GPR119: variants seen among roughly 807,000 people sequenced by gnomAD.
GPR119 encodes G protein-coupled receptor 119.
In GPR119, 7 loss-of-function variants were observed where a neutral mutation model predicts 13.3. The observed-to-expected ratio is 0.53, with a 90% CI of 0.30 to 0.99. The LOEUF is 0.99. Ranked by LOEUF, GPR119 falls within the 50% of genes least tolerant of loss-of-function variation. The pLI is 0.06. For synonymous variants in GPR119, 107 were observed against 112.5 expected, an observed-to-expected ratio of 0.95 and a Z score of 0.31; for missense variants, 197 against 263.0, an observed-to-expected ratio of 0.75 and a Z score of 1.74.
At position 130,382,533 on chromosome X, in the gene GPR119, A is replaced by G. The variant is rs1265212259; in HGVS notation, c.*23T>C. 8.9e-6 allele frequency among the ~76,000 whole-genome samples: 1 copy of G among 111,734 alleles called. No individual in the cohort carries two copies. Among genetic ancestry groups the G allele is most frequent in the Admixed American group, 9.6e-5 (1 of 10,428 alleles). ...AGCAAGCATGTTTCTCCTCTGGGCC[A>G]GACTGGTAAGCAAAGCGACTGCAAA... is the stretch of plus-strand genomic sequence containing the variant. On this transcript the variant is annotated 3_prime_UTR_variant, in exon 2 of 2. Coordinates refer to ENST00000682440, the MANE Select transcript of GPR119 (RefSeq NM_178471.3).
intron 1 of GPR119, among the ~76,000 whole-genome samples, chrX:130,383,318 T>C (rs2034366538): frequency 8.9e-6 from 1 of 112,186 alleles, no homozygotes; most frequent in Admixed American, 9.5e-5. Context: ...CCTCAGCTGG[T>C]CTCCTGTGCA....
rs1286119454 is a variant in GPR119, at chrX:130,381,659, A to G, written c.*897T>C. The stretch of plus-strand genomic sequence containing the variant: ...TTCTGAGTCCAATTGTCCTTGTCCT[A>G]TATGTCATAATATCTGAATATGAGG... On this transcript the variant is annotated 3_prime_UTR_variant, in exon 2 of 2. Coordinates refer to ENST00000682440, the MANE Select transcript of GPR119 (RefSeq NM_178471.3). 8.9e-6 allele frequency among the ~76,000 whole-genome samples: 1 copy of G among 111,848 alleles called. No individual in the cohort carries two copies. The highest frequency in any genetic ancestry group is 1.9e-5 in the Non-Finnish European group (1 of 53,219).
Position 130,384,742 on chromosome X carries a change from G to C in GPR119, c.706C>G (p.Leu236Val), listed in dbSNP as rs41310452. 3.2e-3 allele frequency: 3,819 copies of C among 1,210,292 alleles called. 7 individuals are homozygous for C. Among genetic ancestry groups the C allele is most frequent in the Middle Eastern group, 0.019 (82 of 4,353 alleles). ...GTGATAAGGAAGGGGGTCCAGGATA[G>C]AGCAAAGCTCCCAATGAGAACAGAC... ...TVSVLIGSFALSWTPFLITGI... is the reference protein window; with the variant it reads ...TVSVLIGSFAVSWTPFLITGI... The change falls in exon 1 of 2, where the codon CTA becomes GTA. Residue 236 changes from leucine (L) to valine (V), a missense_variant. Transcript: ENST00000682440.
At chrX:130,382,692 G>T (rs886562694) in intron 1 of GPR119, among the ~76,000 whole-genome samples, 141 bp from the exon 2 acceptor site, 2 of 111,542 alleles carry the variant, frequency 1.8e-5, no homozygotes. Context: ...TGAAAAGGAT[G>T]ATCATTATCC....
rs1432404252 is a variant in GPR119 at position 130,384,720 on chromosome X, A to T, written c.728T>A (p.Ile243Asn). The part of the protein sequence containing the change: ...SFALSWTPFL[I>N]TGIVQVACQE... ...GCAGGCCACCTGCACAATGCCAGTG[A>T]TAAGGAAGGGGGTCCAGGATAGAGC... The change falls in exon 1 of 2, where the codon ATC becomes AAC. Residue 243 changes from isoleucine (I) to asparagine (N), a missense_variant. Coordinates refer to ENST00000682440, the MANE Select transcript of GPR119 (RefSeq NM_178471.3). The T allele has an allele frequency of 8.3e-7, 1 of 1,211,955 alleles. No homozygotes were observed.
In GPR119 at chrX:130,379,803, T is replaced by A. The variant is rs1437882253; in HGVS notation, c.*2753A>T. ...TTGTGATTTCCTATGTTTGCAAAAT[T>A]TTTTTAATGAACAAAAGTTGTTTTT... On this transcript the variant is annotated 3_prime_UTR_variant, in exon 2 of 2. Transcript: ENST00000682440. Among the ~76,000 whole-genome samples the A allele has an allele frequency of 8.9e-6, 1 of 112,331 alleles. No homozygotes were observed. The highest frequency in any genetic ancestry group is 1.9e-5 in the Non-Finnish European group (1 of 53,277).
Position 130,384,731 on chromosome X carries a change from G to A in GPR119, c.717C>T (p.Thr239=), listed in dbSNP as rs144890008. 5.8e-6 allele frequency: 7 copies of A among 1,210,099 alleles called. No individual in the cohort carries two copies. In the African/African-American group the frequency reaches 1.0e-4, roughly 18 times the overall value. Residue 239 remains threonine (T), a synonymous_variant, in exon 1 of 2, where the codon ACC becomes ACT. Coordinates refer to ENST00000682440, the MANE Select transcript of GPR119 (RefSeq NM_178471.3). Reference sequence around the variant, plus strand: ...GCACAATGCCAGTGATAAGGAAGGGGGTCCAGGATAGAGCAAAGCTCCCAA... The same window carrying A: ...GCACAATGCCAGTGATAAGGAAGGGAGTCCAGGATAGAGCAAAGCTCCCAA... ...VLIGSFALSW[T]PFLITGIVQV...
At position 130,385,463 on chromosome X, in the gene GPR119, G is replaced by T. The variant is rs750800861; in HGVS notation, c.-16C>A. Reference sequence around the variant, plus strand: ...ATGATTCCATGTCTCGAAGTGGCAGGACTTCACTTACCAGGGCATGCTATC... The same window carrying T: ...ATGATTCCATGTCTCGAAGTGGCAGTACTTCACTTACCAGGGCATGCTATC... On this transcript the variant is annotated 5_prime_UTR_variant, in exon 1 of 2. Coordinates refer to ENST00000682440, the MANE Select transcript of GPR119 (RefSeq NM_178471.3). The T allele has an allele frequency of 4.5e-5, 54 of 1,197,560 alleles. No individual in the cohort carries two copies. The highest frequency in any genetic ancestry group is 5.4e-5 in the Non-Finnish European group (48 of 885,780).
rs151182359 is a variant in GPR119 at position 130,384,911 on chromosome X, G to A, written c.537C>T (p.Leu179=). Residue 179 remains leucine, a synonymous_variant, in exon 1 of 2, where the codon CTC becomes CTT. Coordinates refer to ENST00000682440, the MANE Select transcript of GPR119 (RefSeq NM_178471.3). ...TGTCGCAGTAGAAGAAGACAAAGAG[G>A]AGCATGGCTGGGAAGAAGCCAACGC... is the stretch of plus-strand genomic sequence containing the variant. ...LSCVGFFPAM[L]LFVFFYCDML... is the part of the protein sequence containing the mutation. 304 of 1,210,604 alleles carry A rather than the reference G, an allele frequency of 2.5e-4. No homozygotes were observed. In the Middle Eastern group the frequency reaches 3.4e-3, roughly 14 times the overall value.
At position 130,384,646 on chromosome X, in the gene GPR119, C is replaced by A; in HGVS notation, c.802G>T (p.Gly268Cys). The A allele has an allele frequency of 8.3e-7, 1 of 1,211,631 alleles. No individual in the cohort carries two copies. The highest frequency in any genetic ancestry group is 2.2e-5 in the Admixed American group (1 of 46,022). The change falls in exon 1 of 2, where the codon GGC (glycine) becomes TGC (cysteine). Residue 268 changes from glycine to cysteine, a missense_variant. Physicochemically the swap from Gly to Cys is radical, Grantham distance 159. Coordinates refer to ENST00000682440, the MANE Select transcript of GPR119 (RefSeq NM_178471.3). ...LVLERYLWLL[G>C]VGNSLLNPLI... ...GGGTTGAGCAGGGAGTTGCCCACGC[C>A]GAGCAGCCACAGGTACCGTTCCAGC...
rs756687010 is a variant in GPR119, at chrX:130,385,091, C to A, written c.357G>T (p.Gly119=). The change falls in exon 1 of 2, where the codon GGG becomes GGT. Residue 119 remains glycine (G), a synonymous_variant. Transcript: ENST00000682440. The part of the protein sequence containing the change: ...QPFRYLKIMS[G]FVAGACIAGL... ...CGGCAATGCAGGCCCCGGCCACGAA[C>A]CCACTCATGATCTTCAAGTAGCGGA... is the stretch of plus-strand genomic sequence containing the variant. The A allele has an allele frequency of 4.9e-6, 6 of 1,212,188 alleles. No homozygotes were observed. The highest frequency in any genetic ancestry group is 4.6e-4 in the Middle Eastern group (2 of 4,356).
chrX:130,385,227 T>A lies in GPR119; in HGVS notation c.221A>T (p.Gln74Leu). 8.3e-7 allele frequency: 1 copy of A among 1,212,069 alleles called. No individual in the cohort carries two copies. Among genetic ancestry groups the A allele is most frequent in the Non-Finnish European group, 1.1e-6 (1 of 895,569 alleles). The change falls in exon 1 of 2, where the codon CAG becomes CTG. Residue 74 changes from glutamine to leucine, a missense_variant. Physicochemically the swap from Gln to Leu is moderately radical, Grantham distance 113. Coordinates refer to ENST00000682440, the MANE Select transcript of GPR119 (RefSeq NM_178471.3). ...CATCCGCAGGCTGCACAGGGTCTTC[T>A]GTGTGGGCCGAGAAGGGCTGGAGAG... ...DQLSSPSRPT[Q>L]KTLCSLRMAF...
intron 1 of GPR119, among the ~76,000 whole-genome samples, chrX:130,382,843 T>C (rs1603269295): frequency 9.0e-6 from 1 of 111,136 alleles, no homozygotes; most frequent in East Asian, 2.8e-4. Flanking sequence ...AACATTATAA[T>C]TTGTGATTAG....
rs910534544 is a variant in GPR119, at chrX:130,381,138, T to G, written c.*1418A>C. On this transcript the variant is annotated 3_prime_UTR_variant, in exon 2 of 2. Transcript: ENST00000682440. ...CTTATTAAACACAGTGTTGTTGCTGTTTTTTTTTTTGTTTGTTTGTTTGTT... is the reference window on the plus strand; with the variant it reads ...CTTATTAAACACAGTGTTGTTGCTGGTTTTTTTTTTGTTTGTTTGTTTGTT... Among the ~76,000 whole-genome samples, 5 of 70,975 alleles carry G rather than the reference T, an allele frequency of 7.0e-5. No homozygotes were observed. Among genetic ancestry groups the G allele is most frequent in the Non-Finnish European group, 1.4e-4 (5 of 36,996 alleles). The allele number at this position is 70,975 out of a possible 115,157, so 61.6% of individuals were successfully genotyped here.
chrX:130,384,643 C>G lies in GPR119; in HGVS notation c.805G>C (p.Val269Leu). ...VLERYLWLLG[V>L]GNSLLNPLIY... is the part of the protein sequence containing the mutation. ...AGTGGGTTGAGCAGGGAGTTGCCCACGCCGAGCAGCCACAGGTACCGTTCC... is the reference window on the plus strand; with the variant it reads ...AGTGGGTTGAGCAGGGAGTTGCCCAGGCCGAGCAGCCACAGGTACCGTTCC... Residue 269 changes from valine (V) to leucine (L), a missense_variant, in exon 1 of 2, where the codon GTG becomes CTG. Physicochemically the swap from Val to Leu is conservative, Grantham distance 32. Coordinates refer to ENST00000682440, the MANE Select transcript of GPR119 (RefSeq NM_178471.3). 8.3e-7 allele frequency: 1 copy of G among 1,211,663 alleles called. No homozygotes were observed. Among genetic ancestry groups the G allele is most frequent in the Middle Eastern group, 2.3e-4 (1 of 4,353 alleles).
chrX:130,381,838 A>G lies in GPR119; in HGVS notation c.*718T>C, dbSNP rs1019072593. Among the ~76,000 whole-genome samples the G allele has an allele frequency of 1.8e-5, 2 of 111,747 alleles. No homozygotes were observed. Among genetic ancestry groups the G allele is most frequent in the African/African-American group, 6.5e-5 (2 of 30,701 alleles). On this transcript the variant is annotated 3_prime_UTR_variant, in exon 2 of 2. Coordinates refer to ENST00000682440, the MANE Select transcript of GPR119 (RefSeq NM_178471.3). ...AATCTTCAATATAACCATGTAAAGTAGGCATTATTACCCCGGTTTGATGAA... is the reference window on the plus strand; with the variant it reads ...AATCTTCAATATAACCATGTAAAGTGGGCATTATTACCCCGGTTTGATGAA...
At chrX:130,384,058 G>A (rs1395397158) in intron 1 of GPR119, among the ~76,000 whole-genome samples, 1 of 112,534 alleles carries the variant, frequency 8.9e-6, no homozygotes, top group Non-Finnish European at 1.9e-5. Context: ...AACGGTTACT[G>A]GAACATGTAA....
In GPR119 at chrX:130,384,573, T is replaced by C. The variant is rs369301220; in HGVS notation, c.875A>G (p.His292Arg). 24 of 1,210,265 alleles carry C rather than the reference T, an allele frequency of 2.0e-5. No individual in the cohort carries two copies. The highest frequency in any genetic ancestry group is 2.6e-5 in the Non-Finnish European group (23 of 895,263). Residue 292 changes from histidine (H) to arginine (R), a missense_variant, in exon 1 of 2, where the codon CAC (histidine) becomes CGC (arginine). Physicochemically the swap from His to Arg is conservative, Grantham distance 29. Coordinates refer to ENST00000682440, the MANE Select transcript of GPR119 (RefSeq NM_178471.3). ...WQKEVRLQLY[H>R]MALGVKKVLT... ...CACCTTCTTCACTCCTAGGGCCATG[T>C]GGTAGAGCTGCAGTCGCACCTCCTT...
In GPR119 at chrX:130,385,472, T is replaced by C. The variant is rs1414166214; in HGVS notation, c.-25A>G. ...TGTCTCGAAGTGGCAGGACTTCACT[T>C]ACCAGGGCATGCTATCTCTCCAGCT... On this transcript the variant is annotated 5_prime_UTR_variant, in exon 1 of 2. The change abolishes the stop of an existing upstream ORF in the 5' untranslated region. Transcript: ENST00000682440. The C allele has an allele frequency of 8.4e-7, 1 of 1,184,486 alleles. No homozygotes were observed. Among genetic ancestry groups the C allele is most frequent in the Non-Finnish European group, 1.1e-6 (1 of 876,803 alleles).
Sources: allele counts gnomAD v4.1 joint callset (sites outside exome capture counted in the v4.1 genomes callset), GRCh38; gene constraint gnomAD v4.1.1; transcripts MANE v1.5; gene names NCBI Gene and HGNC (gene_info 2026-07-23, HGNC 2026-07-21).